PLEKHA1: variants seen among roughly 807,000 people sequenced by gnomAD.
PLEKHA1 encodes pleckstrin homology domain-containing family A member 1.
PLEKHA1 carries 34 observed loss-of-function variants against 52.0 expected under a neutral mutation model. That is an observed-to-expected ratio of 0.65 (90% CI 0.50 to 0.87). The LOEUF is 0.87. Among genes scored for constraint, PLEKHA1 ranks in the 40% least tolerant of loss-of-function variants. The pLI, the probability that PLEKHA1 is intolerant of heterozygous loss-of-function variation, is 0.00. For synonymous variants in PLEKHA1, 163 were observed against 170.7 expected (o/e 0.95, Z 0.35); for missense variants, 497 against 504.2 (o/e 0.99, Z 0.14).
chr10:122,400,537 A>G, intron 4 of PLEKHA1, 149 bp downstream of exon 4: 1 of 651,450 alleles, frequency 1.5e-6, no homozygotes, highest in Non-Finnish European at 2.4e-6. Context: ...CAGATAAGGA[A>G]ATAACATTTT....
rs186626899 is a variant in PLEKHA1 at position 122,393,588 on chromosome 10, C to G, written c.141+247C>G. ...ATTTTTCCCTCGAGAGAGAAATACT[C>G]TCTCTGGTGGCAAATTAGGTTTTAG... On this transcript the variant is annotated intron_variant, in intron 2 of 11. Coordinates refer to ENST00000368990, the MANE Select transcript of PLEKHA1 (RefSeq NM_001001974.4). The surrounding 1 kb of genome is among the most constrained non-coding windows in gnomAD (Gnocchi z 4.5). Among the ~76,000 whole-genome samples, 1 of 152,264 alleles carries G rather than the reference C, an allele frequency of 6.6e-6. No individual in the cohort carries two copies. Among genetic ancestry groups the G allele is most frequent in the Non-Finnish European group, 1.5e-5 (1 of 68,020 alleles).
downstream of PLEKHA1, chr10:122,434,654 G>A (rs1269976308): frequency 6.6e-6 from 1 of 150,644 alleles, no homozygotes; most frequent in African/African-American, 2.4e-5. Flanking sequence ...TGCCATGCTG[G>A]TGTGCTGCAC....
intron 1 of PLEKHA1, among the ~76,000 whole-genome samples, chr10:122,391,882 C>G (rs1462566046): frequency 6.6e-6 from 1 of 152,140 alleles, no homozygotes; most frequent in African/African-American, 2.4e-5. Flanking sequence ...TATCATTTCT[C>G]TGACTGCATA....
chr10:122,377,923 T>C (rs906221228), intron 1 of PLEKHA1, among the ~76,000 whole-genome samples: 1 of 152,164 alleles, frequency 6.6e-6, no homozygotes, highest in African/African-American at 2.4e-5. Flanking sequence ...TAAAAGAAAA[T>C]TAGTCATTTA....
intron 1 of PLEKHA1, among the ~76,000 whole-genome samples, chr10:122,382,781 A>G (rs142451005): frequency 1.2e-3 from 182 of 152,306 alleles, no homozygotes; most frequent in African/African-American, 3.2e-3. Context: ...TAACAAATAA[A>G]TGTTTTCTTT....
intron 1 of PLEKHA1, among the ~76,000 whole-genome samples, chr10:122,385,984 T>C (rs2096690141): frequency 6.6e-6 from 1 of 152,196 alleles, no homozygotes; most frequent in South Asian, 2.1e-4. Context: ...AGCCTTCAAT[T>C]CATTTGGATA....
downstream of PLEKHA1, chr10:122,436,551 A>G (rs1315545404): frequency 1.3e-5 from 2 of 152,202 alleles, no homozygotes; most frequent in Non-Finnish European, 2.9e-5. Flanking sequence ...GACCTGATGG[A>G]GTTGGGTCAA....
chr10:122,408,679 A>G (rs1169816954), intron 5 of PLEKHA1, among the ~76,000 whole-genome samples: 1 of 152,172 alleles, frequency 6.6e-6, no homozygotes, highest in Non-Finnish European at 1.5e-5. Context: ...ATAATTTCCT[A>G]TGCTTTAATA....
the PLEKHA1 span, chr10:122,441,222 C>CA: frequency 6.6e-6 from 1 of 152,188 alleles, no homozygotes; most frequent in Non-Finnish European, 1.5e-5. Context: ...ATAATCGCAG[C>CA]ACTTTGGGAA....
At chr10:122,418,249 T>G (rs1213148826) in intron 8 of PLEKHA1, 2 of 283,348 alleles carry the variant, frequency 7.1e-6, no homozygotes, top group Non-Finnish European at 1.3e-5. Flanking sequence ...GGCTGTCCTC[T>G]TGGGGGGTTA....
At chr10:122,437,704 G>C in the PLEKHA1 span, 1 of 152,256 alleles carries the variant, frequency 6.6e-6, no homozygotes, top group African/African-American at 2.4e-5. Flanking sequence ...AGTACGTTGT[G>C]TCTTAGAAGC....
At chr10:122,427,367 A>G (rs1341400801) in intron 11 of PLEKHA1, among the ~76,000 whole-genome samples, 3 of 152,178 alleles carry the variant, frequency 2.0e-5, no homozygotes, top group Non-Finnish European at 2.9e-5. Flanking sequence ...TGTGATCAGG[A>G]TCATGTAAGA....
chr10:122,382,179 A>G (rs2096624081), intron 1 of PLEKHA1, among the ~76,000 whole-genome samples: 1 of 152,220 alleles, frequency 6.6e-6, no homozygotes, highest in Admixed American at 6.5e-5. Flanking sequence ...AAAATGTATG[A>G]TTTAGTGCAT....
In PLEKHA1 at chr10:122,424,954, G is replaced by T. The variant is rs937274162; in HGVS notation, c.805G>T (p.Val269Leu). 3.1e-6 allele frequency: 5 copies of T among 1,605,986 alleles called. No individual in the cohort carries two copies. The highest frequency in any genetic ancestry group is 4.3e-6 in the Non-Finnish European group (5 of 1,175,812). ...EIVTTSRTFYVQADSPEEMHS... is the reference protein window; with the variant it reads ...EIVTTSRTFYLQADSPEEMHS... ...TGTAACAACGTCTCGAACTTTCTAT[G>T]TGCAGGTAAGATGCTTATTTGGCAA... Residue 269 changes from valine (V) to leucine (L), a missense_variant, in exon 10 of 12, where the codon GTG becomes TTG. Physicochemically the swap from Val to Leu is conservative, Grantham distance 32. Coordinates refer to ENST00000368990, the MANE Select transcript of PLEKHA1 (RefSeq NM_001001974.4).
At chr10:122,408,143 C>G (rs1364600771) in intron 5 of PLEKHA1, among the ~76,000 whole-genome samples, 3 of 152,020 alleles carry the variant, frequency 2.0e-5, no homozygotes, top group Non-Finnish European at 4.4e-5. Context: ...ATAAATATTC[C>G]CTGCTTGAAA....
chr10:122,422,326 C>T (rs1435485616), intron 8 of PLEKHA1: 1 of 151,978 alleles, frequency 6.6e-6, no homozygotes, highest in Non-Finnish European at 1.5e-5. Flanking sequence ...CTATAGGTTC[C>T]AGGTATCTCC....
At chr10:122,401,435 TAGG>T (rs961192010) in intron 4 of PLEKHA1, among the ~76,000 whole-genome samples, 1 of 151,502 alleles carries the variant, frequency 6.6e-6, no homozygotes, top group Non-Finnish European at 1.5e-5. Flanking sequence ...GTGGTGGCAA[TAGG>T]AGAAGGAGGA....
intron 6 of PLEKHA1, among the ~76,000 whole-genome samples, chr10:122,414,489 C>A (rs1371793268): frequency 6.6e-6 from 1 of 151,978 alleles, no homozygotes; most frequent in Non-Finnish European, 1.5e-5. Flanking sequence ...CTATGAAAGA[C>A]CTTCTTAAGA....
chr10:122,376,526 AT>A (rs1565091417), intron 1 of PLEKHA1, among the ~76,000 whole-genome samples: 87 of 124,626 alleles, frequency 7.0e-4, no homozygotes, highest in African/African-American at 2.5e-3. Flanking sequence ...ATATATATAT[AT>A]ATATATAATA....
Sources: gnomAD v4.1 joint callset for allele counts (sites outside exome capture counted in the v4.1 genomes callset) on GRCh38, gnomAD v4.1.1 for gene constraint, Gnocchi (gnomAD v3.1) non-coding constraint, MANE v1.5 for transcripts, NCBI Gene and HGNC (gene_info 2026-07-23, HGNC 2026-07-21) for gene names.